PRR16: variants seen among roughly 807,000 people sequenced by gnomAD.
PRR16 encodes proline rich 16, also known as protein Largen.
PRR16 carries 6 observed loss-of-function variants against 18.2 expected under a neutral mutation model. The observed-to-expected ratio is 0.33, with a 90% CI of 0.18 to 0.65. PRR16 has a LOEUF of 0.65. Ranked by LOEUF, PRR16 falls within the 30% of genes least tolerant of loss-of-function variation. The pLI, the probability that PRR16 is intolerant of heterozygous loss-of-function variation, is 0.74. For missense variants in PRR16, 412 were observed against 376.6 expected (o/e 1.09, Z -0.78); for synonymous variants, 151 against 147.8 (o/e 1.02, Z -0.16).
intron 1 of PRR16, among the ~76,000 whole-genome samples, chr5:120,548,874 G>A (rs1752159083): frequency 6.9e-6 from 1 of 145,422 alleles, no homozygotes; most frequent in South Asian, 2.2e-4. Context: ...TTGATGCATC[G>A]AACTGAGTTT....
the PRR16 span, among the ~76,000 whole-genome samples, chr5:120,712,893 C>T: frequency 6.6e-6 from 1 of 152,010 alleles, no homozygotes; most frequent in African/African-American, 2.4e-5. Context: ...ATTGGTACAG[C>T]CATTATTGGA....
rs187629727 is a variant in PRR16, at chr5:120,576,799, G to T, written c.160-109155G>T. ...CCTGGCTTACAGGCCTTAATACTCT[G>T]ACTGGAACTCTACCATTGGCTCTCC... On this transcript the variant is annotated intron_variant, in intron 1 of 1. Coordinates refer to ENST00000407149, the MANE Select transcript of PRR16 (RefSeq NM_001300783.2). Among the ~76,000 whole-genome samples, 11 of 152,162 alleles carry T rather than the reference G, an allele frequency of 7.2e-5. No homozygotes were observed. The East Asian group carries it at 1.9e-3, about 27-fold the overall frequency.
chr5:120,585,155 A>T (rs1753398410), intron 1 of PRR16, among the ~76,000 whole-genome samples: 1 of 152,250 alleles, frequency 6.6e-6, no homozygotes, highest in Non-Finnish European at 1.5e-5. Flanking sequence ...TGTCAATTCC[A>T]ACTATATGCC....
At chr5:120,589,724 A>T (rs561236207) in intron 1 of PRR16, among the ~76,000 whole-genome samples, 1 of 152,206 alleles carries the variant, frequency 6.6e-6, no homozygotes, top group African/African-American at 2.4e-5. Flanking sequence ...TACCATGAGA[A>T]CAGTATGGCA....
chr5:120,705,635 C>G, the PRR16 span, among the ~76,000 whole-genome samples: 1 of 151,980 alleles, frequency 6.6e-6, no homozygotes, highest in Non-Finnish European at 1.5e-5. Context: ...TTAGCTAAGA[C>G]AATAAAAGTC....
At chr5:120,578,538 G>A (rs1753157035) in intron 1 of PRR16, among the ~76,000 whole-genome samples, 1 of 152,086 alleles carries the variant, frequency 6.6e-6, no homozygotes, top group Non-Finnish European at 1.5e-5. Context: ...GAGGACGATG[G>A]CTTCCAGCTT....
chr5:120,535,732 G>A (rs1319062972), intron 1 of PRR16, among the ~76,000 whole-genome samples: 2 of 151,948 alleles, frequency 1.3e-5, no homozygotes, highest in Non-Finnish European at 1.5e-5. Flanking sequence ...TCTGGGAGGC[G>A]GAGGTTGCAG....
intron 1 of PRR16, among the ~76,000 whole-genome samples, chr5:120,547,956 G>A (rs1752124914): frequency 6.6e-6 from 1 of 151,932 alleles, no homozygotes; most frequent in African/African-American, 2.4e-5. Context: ...GCCAGATAAT[G>A]AGAATAAAAA....
At chr5:120,658,331 C>T (rs1196841758) in intron 1 of PRR16, 2 of 130,104 alleles carry the variant, frequency 1.5e-5, no homozygotes, top group African/African-American at 6.0e-5. Context: ...GCTGTTGTAA[C>T]AGTTTCCCAT....
intron 1 of PRR16, among the ~76,000 whole-genome samples, chr5:120,542,289 T>C (rs1214403282): frequency 6.6e-6 from 1 of 152,220 alleles, no homozygotes; most frequent in East Asian, 1.9e-4. Context: ...CTAACTCGTA[T>C]GGCATTCTCA....
At chr5:120,616,751 G>T (rs10042164) in intron 1 of PRR16, among the ~76,000 whole-genome samples, 148,948 of 152,262 alleles carry the variant, frequency 0.98, 72,918 homozygotes, top group East Asian at 1. Context: ...TGAGTCAGTG[G>T]TAACCTACAA....
rs150207324 is a variant in PRR16, at chr5:120,507,840, A to G, written c.159+43195A>G. 3.4e-4 allele frequency among the ~76,000 whole-genome samples: 52 copies of G among 152,076 alleles called. No homozygotes were observed. The East Asian group carries it at 9.3e-3, about 27-fold the overall frequency. On this transcript the variant is annotated intron_variant, in intron 1 of 1. Transcript: ENST00000407149. The stretch of plus-strand genomic sequence containing the variant: ...ATGCAAGAATCAATGTAAACTTTCT[A>G]TTTTTCAGAGACTTTCAAAACCATA...
the PRR16 span, among the ~76,000 whole-genome samples, chr5:120,764,025 C>T: frequency 1.3e-5 from 2 of 152,112 alleles, no homozygotes; most frequent in South Asian, 2.1e-4. Flanking sequence ...TTTGGCTTCA[C>T]GTTTATAAGT....
At chr5:120,680,282 C>T (rs1192798442) in intron 1 of PRR16, among the ~76,000 whole-genome samples, 1 of 152,058 alleles carries the variant, frequency 6.6e-6, no homozygotes, top group East Asian at 1.9e-4. Flanking sequence ...AACTAAACTA[C>T]CTGTGCTTGT....
chr5:120,675,084 T>G (rs949969894), intron 1 of PRR16, among the ~76,000 whole-genome samples: 1 of 152,148 alleles, frequency 6.6e-6, no homozygotes, highest in Non-Finnish European at 1.5e-5. Context: ...TTCATTTTGG[T>G]CTTTCTGTTT....
At chr5:120,738,387 T>C in the PRR16 span, among the ~76,000 whole-genome samples, 6 of 152,020 alleles carry the variant, frequency 3.9e-5, no homozygotes, top group Non-Finnish European at 5.9e-5. Flanking sequence ...TATGATATTC[T>C]TAATGAAAAA....
chr5:120,490,912 G>A (rs927119663), intron 1 of PRR16, among the ~76,000 whole-genome samples: 1 of 152,170 alleles, frequency 6.6e-6, no homozygotes, highest in African/African-American at 2.4e-5. Flanking sequence ...GTTTGCTGGA[G>A]GTCCACTCCA....
chr5:120,520,780 T>A (rs1377046124), intron 1 of PRR16, among the ~76,000 whole-genome samples: 1 of 152,218 alleles, frequency 6.6e-6, no homozygotes, highest in Admixed American at 6.5e-5. Flanking sequence ...GTATTTTGTT[T>A]AAAGCTTTGA....
chr5:120,658,736 C>T (rs1285835228), intron 1 of PRR16, among the ~76,000 whole-genome samples: 1 of 151,774 alleles, frequency 6.6e-6, no homozygotes, highest in Non-Finnish European at 1.5e-5. Context: ...GGAGTCCCTA[C>T]GTAAATAAAT....
Sources: allele counts gnomAD v4.1 joint callset (sites outside exome capture counted in the v4.1 genomes callset), GRCh38; gene constraint gnomAD v4.1.1; transcripts MANE v1.5; gene names NCBI Gene and HGNC (gene_info 2026-07-23, HGNC 2026-07-21).